The following ARNT variants were observed in gnomAD, a reference collection of about 807,000 sequenced individuals.
The protein encoded by ARNT is aryl hydrocarbon receptor nuclear translocator, also known as class E basic helix-loop-helix protein 2.
Under a neutral mutation model 105.0 loss-of-function variants are expected in ARNT, and 30 were observed. That is an observed-to-expected ratio of 0.29 (90% CI 0.21 to 0.39). The LOEUF is 0.39. Among genes scored for constraint, ARNT ranks in the 10% least tolerant of loss-of-function variants. ARNT has a pLI of 1.00. For synonymous variants in ARNT, 304 were observed against 344.0 expected, an observed-to-expected ratio of 0.88 and a Z score of 1.29; for missense variants, 748 against 978.7, an observed-to-expected ratio of 0.76 and a Z score of 3.15.
At chr1:150,864,882 T>TA (rs1666296944) in intron 1 of ARNT, among the ~76,000 whole-genome samples, 1 of 89,032 alleles carries the variant, frequency 1.1e-5, no homozygotes, top group South Asian at 3.1e-4. Context: ...TTTCTTTAAA[T>TA]CAAAAAAAAA....
intron 5 of ARNT, among the ~76,000 whole-genome samples, chr1:150,841,239 T>G (rs1379438667): frequency 6.6e-6 from 1 of 151,630 alleles, no homozygotes; most frequent in Non-Finnish European, 1.5e-5. Context: ...CATGAGCCAC[T>G]GCGCCCGGCC....
At chr1:150,834,821 C>A in intron 7 of ARNT, 181 bp from the exon 8 acceptor site, 1 of 512,218 alleles carries the variant, frequency 2.0e-6, no homozygotes, top group Non-Finnish European at 3.6e-6. Flanking sequence ...CAATTATCAT[C>A]AATGAATCTC....
chr1:150,853,206 G>A (rs990400683), intron 2 of ARNT: 7 of 316,912 alleles, frequency 2.2e-5, no homozygotes, highest in African/African-American at 9.0e-5. Context: ...GCTGGAACCC[G>A]GGAGGTGGAG....
chr1:150,817,719 G>C (rs1571191358), intron 15 of ARNT, among the ~76,000 whole-genome samples: 1 of 149,712 alleles, frequency 6.7e-6, no homozygotes, highest in African/African-American at 2.5e-5. Context: ...TGAGGCAGGT[G>C]AATCACTTGA....
chr1:150,837,537 C>T (rs1164840004), intron 6 of ARNT, among the ~76,000 whole-genome samples: 1 of 152,042 alleles, frequency 6.6e-6, no homozygotes, highest in East Asian at 1.9e-4. Context: ...TTTATTTTTC[C>T]CTACCTTCTT....
intron 12 of ARNT, among the ~76,000 whole-genome samples, chr1:150,827,588 TTAAA>T (rs1323627470): frequency 6.6e-6 from 1 of 152,352 alleles, no homozygotes; most frequent in Admixed American, 6.5e-5. Flanking sequence ...TAATGGACGT[TTAAA>T]TAGTTTTCAT....
chr1:150,828,519 G>A (rs11800855), intron 12 of ARNT, among the ~76,000 whole-genome samples: 63,562 of 151,878 alleles, frequency 0.42, 13,752 homozygotes, highest in South Asian at 0.54. Flanking sequence ...CAACACCACA[G>A]TGTCTTGGTA....
intron 13 of ARNT, 84 bp from the exon 14 acceptor site, chr1:150,823,429 C>G (rs1205402951): frequency 7.4e-7 from 1 of 1,351,048 alleles, no homozygotes; most frequent in Non-Finnish European, 1.0e-6. Flanking sequence ...TTTCTATAAC[C>G]CTAAAACTCT....
rs1035580998 is a variant in ARNT at position 150,853,209 on chromosome 1, AG to A, written c.138-404del. On this transcript the variant is annotated intron_variant, in intron 2 of 21. Coordinates refer to ENST00000358595, the MANE Select transcript of ARNT (RefSeq NM_001668.4). The stretch of plus-strand genomic sequence containing the variant: ...GGCAGGAGAATTGCTGGAACCCGGG[AG>A]GTGGAGGTTTCAGTGAGCCAAGATC... The A allele has an allele frequency of 1.6e-4, 50 of 321,894 alleles. 2 individuals are homozygous for A. 19.9% of individuals were successfully genotyped at this position (321,894 alleles called of 1,614,324 possible). A position where few individuals can be genotyped will look rare whatever the true frequency, so the allele number is the denominator to read the frequency against.
At chr1:150,852,051 A>AC (rs200224532) in intron 3 of ARNT, among the ~76,000 whole-genome samples, 50,616 of 151,196 alleles carry the variant, frequency 0.33, 8,955 homozygotes, top group South Asian at 0.53. Context: ...TCAAAAAAAA[A>AC]AAAAACAAAA....
intron 1 of ARNT, among the ~76,000 whole-genome samples, chr1:150,872,173 G>T (rs1432591983): frequency 6.6e-6 from 1 of 152,052 alleles, no homozygotes; most frequent in African/African-American, 2.4e-5. Flanking sequence ...GTCCGGGCTG[G>T]TCTCAAATTC....
At chr1:150,816,963 A>C in intron 17 of ARNT, 73 bp from the exon 18 acceptor site, 1 of 1,600,202 alleles carries the variant, frequency 6.2e-7, no homozygotes. Flanking sequence ...GTTCCTATTT[A>C]CTCAGGTGGT....
At position 150,814,014 on chromosome 1, in the gene ARNT, T is replaced by C; in HGVS notation, c.2113+63A>G. 3.2e-6 allele frequency: 5 copies of C among 1,576,322 alleles called. No homozygotes were observed. The South Asian group carries it at 5.8e-5, about 18-fold the overall frequency. On this transcript the variant is annotated intron_variant, in intron 20 of 21. Transcript: ENST00000358595. ...CACAACACAGGCAAACAACTTTAAC[T>C]ACCAAATCCTTTCTCTTTAGTGGTG...
Position 150,810,295 on chromosome 1 carries a change from TATA to T in ARNT, c.*1723_*1725del, listed in dbSNP as rs1654498465. On this transcript the variant is annotated 3_prime_UTR_variant, in exon 22 of 22. Transcript: ENST00000358595. ...CTATCCTCCCCTTCCCCAAAAGCCC[TATA>T]ATAACTGTACAATATTATAGTCCTG... 1 of 232,002 alleles carries T rather than the reference TATA, an allele frequency of 4.3e-6. No homozygotes were observed. The highest frequency in any genetic ancestry group is 2.2e-5 in the African/African-American group (1 of 45,242). 14.4% of individuals were successfully genotyped at this position (232,002 alleles called of 1,614,324 possible).
chr1:150,814,348 G>T, intron 19 of ARNT, 109 bp from the exon 20 acceptor site: 5 of 1,040,890 alleles, frequency 4.8e-6, no homozygotes, highest in Non-Finnish European at 7.0e-6. Flanking sequence ...TCTGAACCAA[G>T]CTCATCACTT....
At chr1:150,851,121 C>T (rs1407649134) in intron 3 of ARNT, among the ~76,000 whole-genome samples, 1 of 151,478 alleles carries the variant, frequency 6.6e-6, no homozygotes, top group Non-Finnish European at 1.5e-5. Flanking sequence ...AGGAGCATCT[C>T]CGCCCGGCAG....
intron 1 of ARNT, among the ~76,000 whole-genome samples, chr1:150,862,383 C>T (rs918191251): frequency 3.3e-5 from 5 of 152,046 alleles, no homozygotes; most frequent in Non-Finnish European, 7.4e-5. Context: ...TTTAGCCATA[C>T]CTCCAACAGC....
At chr1:150,866,001 A>G (rs1166406419) in intron 1 of ARNT, among the ~76,000 whole-genome samples, 1 of 137,372 alleles carries the variant, frequency 7.3e-6, no homozygotes, top group Non-Finnish European at 1.6e-5. Context: ...TTTTTTTTTG[A>G]GACAGAGTCT....
intron 21 of ARNT, 68 bp downstream of exon 21, chr1:150,813,104 T>C: frequency 1.9e-6 from 3 of 1,540,346 alleles, no homozygotes; most frequent in Non-Finnish European, 1.8e-6. Flanking sequence ...CTTCCTTCAC[T>C]GTCTCTCCTC....
Sources: allele counts gnomAD v4.1 joint callset (sites outside exome capture counted in the v4.1 genomes callset), GRCh38; gene constraint gnomAD v4.1.1; transcripts MANE v1.5; gene names NCBI Gene and HGNC (gene_info 2026-07-23, HGNC 2026-07-21).